Variants in NOL4 observed in about 807,000 individuals in gnomAD.
NOL4 encodes nucleolar protein 4, also known as cancer/testis antigen 125.
Under a neutral mutation model 75.9 loss-of-function variants are expected in NOL4, and 17 were observed. That is an observed-to-expected ratio of 0.22 (90% CI 0.15 to 0.34). The LOEUF (loss-of-function observed/expected upper bound fraction) is 0.34. Among genes scored for constraint, NOL4 ranks in the 10% least tolerant of loss-of-function variants. The pLI is 1.00. For synonymous variants in NOL4, 292 were observed against 289.9 expected, an observed-to-expected ratio of 1.01 and a Z score of -0.07; for missense variants, 614 against 793.5, an observed-to-expected ratio of 0.77 and a Z score of 2.72.
At chr18:34,002,554 G>A (rs985138923) in intron 6 of NOL4, among the ~76,000 whole-genome samples, 5 of 151,898 alleles carry the variant, frequency 3.3e-5, no homozygotes, top group Non-Finnish European at 7.4e-5. Flanking sequence ...AATGAACAGC[G>A]TGACCCAACC....
Position 34,045,862 on chromosome 18 carries a change from T to TAGTATTATC in NOL4, c.773-26262_773-26261insGATAATACT, listed in dbSNP as rs548717885. On this transcript the variant is annotated intron_variant, in intron 5 of 10. Transcript: ENST00000261592. ...AAAGCAAATACAAAACGTGTTCATA[T>TAGTATTATC]TATAGTATTATCTCTTGTGCTGAAT... is the stretch of plus-strand genomic sequence containing the variant. Among the ~76,000 whole-genome samples, 13 of 152,282 alleles carry TAGTATTATC rather than the reference T, an allele frequency of 8.5e-5. No homozygotes were observed. The South Asian group carries it at 2.3e-3, about 27-fold the overall frequency.
Position 33,970,725 on chromosome 18 carries a change from TTGTG to T in NOL4, c.1057-12311_1057-12308del, listed in dbSNP as rs34125584. On this transcript the variant is annotated intron_variant, in intron 6 of 10. Transcript: ENST00000261592. ...TGGAAAACTTACTTCTTCAAGCTAT[TTGTG>T]TGTGTGTGTGTGTGTGTGTGTGTAT... is the stretch of plus-strand genomic sequence containing the variant. Among the ~76,000 whole-genome samples the T allele has an allele frequency of 5.9e-4, 87 of 146,998 alleles. 1 individual carries two copies. Among genetic ancestry groups the T allele is most frequent in the East Asian group, 1.4e-3 (7 of 5,062 alleles).
At chr18:34,003,317 T>C (rs1405839609) in intron 6 of NOL4, among the ~76,000 whole-genome samples, 1 of 152,112 alleles carries the variant, frequency 6.6e-6, no homozygotes, top group Admixed American at 6.6e-5. Flanking sequence ...ATTGAGCTTT[T>C]ATAGGGTAGC....
At chr18:34,061,819 C>T (rs62097855) in intron 5 of NOL4, among the ~76,000 whole-genome samples, 58,269 of 151,858 alleles carry the variant, frequency 0.38, 11,676 homozygotes, top group South Asian at 0.53. Context: ...AAAGGGATCA[C>T]GTCTTAAATA....
At chr18:33,941,113 G>A (rs571371042) in intron 9 of NOL4, among the ~76,000 whole-genome samples, 47 of 151,860 alleles carry the variant, frequency 3.1e-4, no homozygotes, top group Middle Eastern at 6.8e-3. Flanking sequence ...ACATATAAAC[G>A]TATGAAATAC....
At chr18:34,113,638 TAA>T (rs10716930) in intron 2 of NOL4, among the ~76,000 whole-genome samples, 2 of 148,606 alleles carry the variant, frequency 1.3e-5, no homozygotes, top group East Asian at 2.0e-4. Flanking sequence ...CAGTGCCTCT[TAA>T]AAAAAAAAAA....
At chr18:33,865,741 C>G (rs2063401092) in intron 10 of NOL4, among the ~76,000 whole-genome samples, 1 of 152,072 alleles carries the variant, frequency 6.6e-6, no homozygotes, top group Non-Finnish European at 1.5e-5. Flanking sequence ...AACTATTTGT[C>G]TCTTCTGCAG....
intron 1 of NOL4, chr18:34,183,502 G>GA (rs1463179670): frequency 2.0e-5 from 3 of 151,860 alleles, no homozygotes; most frequent in Non-Finnish European, 4.4e-5. Context: ...AGTTAAACAA[G>GA]AAAATGAAAA....
At chr18:33,923,473 A>G (rs971111012) in intron 9 of NOL4, among the ~76,000 whole-genome samples, 6 of 152,058 alleles carry the variant, frequency 3.9e-5, no homozygotes, top group African/African-American at 1.4e-4. Flanking sequence ...ATTATAAAAG[A>G]TTATTTCATA....
At chr18:34,114,656 T>C (rs187201856) in intron 2 of NOL4, among the ~76,000 whole-genome samples, 1 of 152,334 alleles carries the variant, frequency 6.6e-6, no homozygotes, top group Admixed American at 6.5e-5. Flanking sequence ...TTTTAGCAAA[T>C]GGTTAAAACA....
intron 6 of NOL4, among the ~76,000 whole-genome samples, chr18:33,988,442 A>T (rs1219965363): frequency 6.6e-6 from 1 of 152,090 alleles, no homozygotes; most frequent in Non-Finnish European, 1.5e-5. Flanking sequence ...TACTCAACCC[A>T]GGAAATGGTC....
At chr18:34,098,664 C>T (rs2078901492) in intron 4 of NOL4, among the ~76,000 whole-genome samples, 3 of 152,068 alleles carry the variant, frequency 2.0e-5, no homozygotes, top group Admixed American at 2.0e-4. Flanking sequence ...AATTTCTCCC[C>T]TTTGAGCTAC....
intron 2 of NOL4, among the ~76,000 whole-genome samples, chr18:34,108,526 CA>C (rs1416001864): frequency 6.6e-6 from 1 of 151,942 alleles, no homozygotes; most frequent in African/African-American, 2.4e-5. Flanking sequence ...AAATGGTAAC[CA>C]AAAGGGATCA....
In NOL4 at chr18:33,883,238, A is replaced by C; in HGVS notation, c.1723+6T>G. On this transcript the variant is annotated splice_donor_region_variant and intron_variant, in intron 10 of 10. Transcript: ENST00000261592. ...AAAAAAAACACAATCTATGATAAATACTCACCACTGCTGGAAGCATCATTC... is the reference window on the plus strand; with the variant it reads ...AAAAAAAACACAATCTATGATAAATCCTCACCACTGCTGGAAGCATCATTC... The C allele has an allele frequency of 6.4e-7, 1 of 1,571,284 alleles. No homozygotes were observed. Among genetic ancestry groups the C allele is most frequent in the Non-Finnish European group, 8.6e-7 (1 of 1,164,144 alleles).
Position 34,130,024 on chromosome 18 carries a change from G to C in NOL4, c.265-4C>G. On this transcript the variant is annotated splice_region_variant and splice_polypyrimidine_tract_variant and intron_variant, in intron 1 of 10. Transcript: ENST00000261592. ...TCTCATCTACCCCTACGCCATCCTG[G>C]AAACAAAACAACAACAACAAAAACC... 6.5e-7 allele frequency: 1 copy of C among 1,530,368 alleles called. No individual in the cohort carries two copies. 94.8% of individuals were successfully genotyped at this position (1,530,368 alleles called of 1,614,324 possible).
chr18:33,957,510 A>G lies in NOL4; in HGVS notation c.1244T>C (p.Val415Ala). Residue 415 changes from valine (V) to alanine (A), a missense_variant, in exon 8 of 11, where the codon GTC (valine) becomes GCC (alanine). Physicochemically the swap from Val to Ala is moderately conservative, Grantham distance 64. This residue lies in a region of NOL4 where 52 missense variants were observed against 121.1 expected (regional missense o/e 0.43). Transcript: ENST00000261592. ...AERLKAFNMF[V>A]RLFVDENLDR... The stretch of plus-strand genomic sequence containing the variant: ...CAAGTTTTCATCTACAAACAGCCTG[A>G]CAAACATCTGTTGGCAAGAGGGAGA... 6.2e-7 allele frequency: 1 copy of G among 1,612,500 alleles called. No homozygotes were observed. Among genetic ancestry groups the G allele is most frequent in the Non-Finnish European group, 8.5e-7 (1 of 1,179,172 alleles).
At chr18:34,216,433 T>A (rs2036892689) in intron 1 of NOL4, among the ~76,000 whole-genome samples, 1 of 151,908 alleles carries the variant, frequency 6.6e-6, no homozygotes, top group Non-Finnish European at 1.5e-5. Flanking sequence ...ATGGACCTAC[T>A]TTAGGAAAAA....
At chr18:33,950,132 A>G (rs1474912148) in intron 8 of NOL4, among the ~76,000 whole-genome samples, 2 of 152,076 alleles carry the variant, frequency 1.3e-5, no homozygotes, top group East Asian at 3.9e-4. Context: ...CATATAATTA[A>G]TATCACTACC....
At chr18:34,034,466 CG>C (rs2075789202) in intron 5 of NOL4, among the ~76,000 whole-genome samples, 1 of 152,146 alleles carries the variant, frequency 6.6e-6, no homozygotes, top group South Asian at 2.1e-4. Context: ...AAGCCAGACA[CG>C]GTGGCTCATG....
Sources: allele counts gnomAD v4.1 joint callset (sites outside exome capture counted in the v4.1 genomes callset), GRCh38; gene constraint gnomAD v4.1.1; regional missense constraint gnomAD v4.1.1; transcripts MANE v1.5; gene names NCBI Gene and HGNC (gene_info 2026-07-23, HGNC 2026-07-21).